The following PALM2AKAP2 variants were observed in gnomAD, a reference collection of about 807,000 sequenced individuals.
PALM2AKAP2 encodes PALM2 and AKAP2 fusion.
PALM2AKAP2 carries 37 observed loss-of-function variants against 71.5 expected under a neutral mutation model. The ratio of observed to expected loss-of-function variants is 0.52; its 90% CI spans 0.40 to 0.68. The LOEUF (loss-of-function observed/expected upper bound fraction) is 0.68. PALM2AKAP2 is among the 30% of genes least tolerant of loss of function. The probability of loss-of-function intolerance (pLI) is 0.00; values close to 1 mark genes in which losing one functional copy is unlikely to be tolerated. For synonymous variants in PALM2AKAP2, 468 were observed against 478.8 expected, an observed-to-expected ratio of 0.98 and a Z score of 0.29; for missense variants, 1,224 against 1,191.8, an observed-to-expected ratio of 1.03 and a Z score of -0.40.
intron 1 of PALM2AKAP2, among the ~76,000 whole-genome samples, chr9:109,715,094 A>G (rs555614781): frequency 3.1e-5 from 4 of 129,840 alleles, no homozygotes; most frequent in African/African-American, 1.2e-4. Flanking sequence ...TGCTATGTCC[A>G]CTGATCTACA....
chr9:109,965,335 CA>C (rs1195286866), intron 6 of PALM2AKAP2, among the ~76,000 whole-genome samples: 13 of 152,184 alleles, frequency 8.5e-5, no homozygotes, highest in Admixed American at 4.6e-4. Context: ...GAAAAAACCC[CA>C]AGTGTCCATC....
chr9:110,144,734 CCTT>C (rs1480321512), intron 2 of PALM2AKAP2, among the ~76,000 whole-genome samples: 2 of 152,118 alleles, frequency 1.3e-5, no homozygotes, highest in African/African-American at 4.8e-5. Context: ...GACTAGGAGA[CCTT>C]CATGTCAGCT....
At chr9:109,932,751 C>T (rs1831134473) in intron 6 of PALM2AKAP2, among the ~76,000 whole-genome samples, 1 of 152,106 alleles carries the variant, frequency 6.6e-6, no homozygotes, top group African/African-American at 2.4e-5. Context: ...GTGCTGAGGG[C>T]TGGGGGTTAA....
intron 1 of PALM2AKAP2, among the ~76,000 whole-genome samples, chr9:109,739,061 G>T (rs528002744): frequency 6.6e-6 from 1 of 152,242 alleles, no homozygotes; most frequent in Non-Finnish European, 1.5e-5. Flanking sequence ...TACCTCATTT[G>T]GTTCTCACAA....
upstream of PALM2AKAP2, among the ~76,000 whole-genome samples, chr9:110,045,367 T>C (rs1833577741): frequency 6.6e-6 from 1 of 152,232 alleles, no homozygotes; most frequent in Non-Finnish European, 1.5e-5. Flanking sequence ...TCAGCTCTAA[T>C]AATCATTATT....
intron 1 of PALM2AKAP2, among the ~76,000 whole-genome samples, chr9:109,706,781 C>A (rs191331908): frequency 6.6e-6 from 1 of 152,142 alleles, no homozygotes; most frequent in East Asian, 1.9e-4. Context: ...TTAACAAACA[C>A]GCTAAATGAA....
At chr9:109,757,518 T>C (rs992396473) in intron 1 of PALM2AKAP2, among the ~76,000 whole-genome samples, 1 of 152,028 alleles carries the variant, frequency 6.6e-6, no homozygotes, top group Non-Finnish European at 1.5e-5. Flanking sequence ...GTCTGCCCCA[T>C]ACAGAAGTTC....
intron 1 of PALM2AKAP2, among the ~76,000 whole-genome samples, chr9:109,749,548 G>C (rs1407714237): frequency 1.7e-5 from 1 of 58,406 alleles, no homozygotes; most frequent in South Asian, 7.7e-4. Flanking sequence ...GTTTTCATAG[G>C]TTAGAAAAAA....
intron 3 of PALM2AKAP2, 31 bp from the exon 4 acceptor site, chr9:109,923,704 G>A (rs758311401): frequency 1.9e-6 from 3 of 1,558,980 alleles, no homozygotes; most frequent in South Asian, 2.4e-5. Context: ...GGACAATAAA[G>A]TAACTTGTCC....
intron 1 of PALM2AKAP2, among the ~76,000 whole-genome samples, chr9:109,714,318 C>G (rs1172499939): frequency 1.3e-5 from 2 of 152,170 alleles, no homozygotes; most frequent in African/African-American, 4.8e-5. Context: ...TTTACTGTCT[C>G]TGGAATCCCA....
intron 5 of PALM2AKAP2, 67 bp from the exon 6 acceptor site, chr9:109,931,860 C>T: frequency 6.4e-7 from 1 of 1,551,032 alleles, no homozygotes; most frequent in Non-Finnish European, 8.8e-7. Flanking sequence ...AAGCTGCTGT[C>T]TCGGCAGTGA....
chr9:110,156,321 A>G, exon 3 of PALM2AKAP2: 2 of 1,572,372 alleles, frequency 1.3e-6, no homozygotes, highest in Non-Finnish European at 1.7e-6. Flanking sequence ...TGTTTCAGGG[A>G]AAATAGAGAA....
At chr9:109,721,502 T>C (rs1251810067) in intron 1 of PALM2AKAP2, among the ~76,000 whole-genome samples, 2 of 152,224 alleles carry the variant, frequency 1.3e-5, no homozygotes, top group African/African-American at 4.8e-5. Flanking sequence ...TTCCCCCAGA[T>C]TAATATTTTT....
chr9:109,937,911 C>T, intron 6 of PALM2AKAP2, among the ~76,000 whole-genome samples: 1 of 152,196 alleles, frequency 6.6e-6, no homozygotes, highest in East Asian at 1.9e-4. Context: ...AGGCAGCAAG[C>T]CCTTTGACCC....
At chr9:109,657,182 C>T (rs183160292) in intron 1 of PALM2AKAP2, among the ~76,000 whole-genome samples, 51 of 152,358 alleles carry the variant, frequency 3.3e-4, no homozygotes, top group African/African-American at 1.2e-3. Context: ...AAAAAATTCT[C>T]AACCACTGTG....
intron 3 of PALM2AKAP2, among the ~76,000 whole-genome samples, chr9:109,902,142 C>T (rs968189236): frequency 6.6e-6 from 1 of 152,206 alleles, no homozygotes; most frequent in Non-Finnish European, 1.5e-5. Flanking sequence ...ATCTCAGCCT[C>T]ACATCTCATT....
At chr9:109,966,315 T>G (rs1480817393) in intron 6 of PALM2AKAP2, among the ~76,000 whole-genome samples, 1 of 152,156 alleles carries the variant, frequency 6.6e-6, no homozygotes, top group Non-Finnish European at 1.5e-5. Flanking sequence ...GGAGACTAAT[T>G]TCAGAAGAGC....
At chr9:109,692,077 T>C (rs1827906037) in intron 1 of PALM2AKAP2, among the ~76,000 whole-genome samples, 1 of 149,676 alleles carries the variant, frequency 6.7e-6, no homozygotes, top group African/African-American at 2.4e-5. Flanking sequence ...TTTTTTAAAT[T>C]TTTAAAAAAT....
intron 6 of PALM2AKAP2, among the ~76,000 whole-genome samples, chr9:110,005,670 C>G (rs1320046960): frequency 1.3e-5 from 2 of 152,164 alleles, no homozygotes; most frequent in East Asian, 3.9e-4. Flanking sequence ...GCGGTGGGCT[C>G]CACCCAGTTC....
Sources: gnomAD v4.1 joint callset for allele counts (sites outside exome capture counted in the v4.1 genomes callset) on GRCh38, gnomAD v4.1.1 for gene constraint, MANE v1.5 for transcripts, NCBI Gene and HGNC (gene_info 2026-07-23, HGNC 2026-07-21) for gene names.